Variants in ODR4 observed in about 807,000 individuals in gnomAD.
ODR4 encodes the protein protein odr-4 homolog.
Under a neutral mutation model 60.2 loss-of-function variants are expected in ODR4, and 47 were observed. That is an observed-to-expected ratio of 0.78 (90% confidence interval 0.62 to 1.00). The LOEUF (loss-of-function observed/expected upper bound fraction) is 1.00, where lower values mean the gene tolerates loss of function less well. Among genes scored for constraint, ODR4 ranks in the 50% least tolerant of loss-of-function variants. The probability of loss-of-function intolerance (pLI) is 0.00; values close to 1 mark genes in which losing one functional copy is unlikely to be tolerated. For synonymous variants in ODR4, 178 were observed against 175.5 expected, an observed-to-expected ratio of 1.01 and a Z score of -0.11; for missense variants, 488 against 530.8, an observed-to-expected ratio of 0.92 and a Z score of 0.79.
At chr1:186,417,366 T>C (rs1289345982) in intron 12 of ODR4, 178 bp from the exon 13 acceptor site, 2 of 563,124 alleles carry the variant, frequency 3.6e-6, no homozygotes, top group African/African-American at 3.9e-5. Flanking sequence ...ATTTGACGTA[T>C]ATTCTATTAA....
At chr1:186,399,582 A>T (rs1055602958) in intron 11 of ODR4, among the ~76,000 whole-genome samples, 36 of 152,182 alleles carry the variant, frequency 2.4e-4, no homozygotes, top group Non-Finnish European at 4.9e-4. Flanking sequence ...GAGGATTTTT[A>T]AAAAAATTAA....
rs1439873116 is a variant in ODR4, at chr1:186,402,186, TATTC to T, written c.1000+3143_1000+3146del. On this transcript the variant is annotated intron_variant, in intron 11 of 13. Transcript: ENST00000287859. ...CAGACAAATAACTTTATAGGCATCC[TATTC>T]TTTCTTTCTTTCTTTCTTTCTTTCT... 6.2e-4 allele frequency among the ~76,000 whole-genome samples: 57 copies of T among 91,568 alleles called. 1 individual carries two copies. The highest frequency in any genetic ancestry group is 2.8e-3 in the South Asian group (7 of 2,492). The allele number at this position is 91,568 out of a possible 152,430, so 60.1% of individuals were successfully genotyped here.
chr1:186,384,069 A>C (rs1411650482), intron 3 of ODR4, among the ~76,000 whole-genome samples: 1 of 152,170 alleles, frequency 6.6e-6, no homozygotes, highest in Non-Finnish European at 1.5e-5. Flanking sequence ...TCCAGTATTT[A>C]ATTATTATTG....
chr1:186,430,036 G>C, the ODR4 span, among the ~76,000 whole-genome samples: 2 of 152,002 alleles, frequency 1.3e-5, no homozygotes, highest in Non-Finnish European at 2.9e-5. Flanking sequence ...AAGTGTTTCA[G>C]TTTCATTATT....
At chr1:186,409,025 G>T (rs1402459014) in intron 12 of ODR4, among the ~76,000 whole-genome samples, 7 of 151,602 alleles carry the variant, frequency 4.6e-5, no homozygotes, top group Non-Finnish European at 1.0e-4. Flanking sequence ...AGTAACAGAG[G>T]TTTATATTCT....
intron 12 of ODR4, among the ~76,000 whole-genome samples, chr1:186,408,687 T>C (rs893853939): frequency 1.3e-5 from 2 of 150,560 alleles, no homozygotes; most frequent in Admixed American, 6.6e-5. Context: ...TGTTTTCTTA[T>C]AAAAATATAA....
chr1:186,399,472 G>A (rs1660837804), intron 11 of ODR4, among the ~76,000 whole-genome samples: 1 of 152,172 alleles, frequency 6.6e-6, no homozygotes, highest in African/African-American at 2.4e-5. Flanking sequence ...GCTTCCCGAA[G>A]TGCTGGGATT....
At chr1:186,423,442 G>GC (rs1661830842), downstream of ODR4, among the ~76,000 whole-genome samples, 3 of 67,538 alleles carry the variant, frequency 4.4e-5, no homozygotes, top group Non-Finnish European at 9.0e-5. Context: ...CACTACTTGT[G>GC]CTTTTTTTTT....
intron 3 of ODR4, 95 bp from the exon 4 acceptor site, chr1:186,385,893 G>GT: frequency 1.4e-6 from 1 of 705,926 alleles, no homozygotes; most frequent in Non-Finnish European, 2.4e-6. Context: ...GTTTTAAGGT[G>GT]AAAAGCTAAG....
chr1:186,422,589 G>A (rs141257333), downstream of ODR4, among the ~76,000 whole-genome samples: 3 of 152,204 alleles, frequency 2.0e-5, no homozygotes, highest in East Asian at 5.8e-4. Flanking sequence ...ATAATCAGAA[G>A]CAAGTAGAGG....
the ODR4 span, among the ~76,000 whole-genome samples, chr1:186,431,214 A>G: frequency 6.6e-6 from 1 of 152,172 alleles, no homozygotes; most frequent in African/African-American, 2.4e-5. Flanking sequence ...AGATTTCTAT[A>G]AAATTGTCAA....
chr1:186,389,170 A>C lies in ODR4; in HGVS notation c.438-418A>C, dbSNP rs189205773. Among the ~76,000 whole-genome samples, 318 of 152,250 alleles carry C rather than the reference A, an allele frequency of 2.1e-3. 1 individual carries two copies. The highest frequency in any genetic ancestry group is 6.7e-3 in the African/African-American group (279 of 41,532). ...CTTTTTTTTTTTTTAACAACAACAA[A>C]AAAAATCTTTAGTATTTAACTGCAA... On this transcript the variant is annotated intron_variant, in intron 5 of 13. Transcript: ENST00000287859.
downstream of ODR4, among the ~76,000 whole-genome samples, chr1:186,423,183 C>T (rs1330337852): frequency 6.6e-6 from 1 of 152,012 alleles, no homozygotes; most frequent in African/African-American, 2.4e-5. Context: ...GGGTAAAATT[C>T]TAACATTTTA....
intron 9 of ODR4, among the ~76,000 whole-genome samples, chr1:186,397,615 A>G (rs1411127048): frequency 6.6e-6 from 1 of 152,184 alleles, no homozygotes; most frequent in Non-Finnish European, 1.5e-5. Context: ...TTTTCCTTTG[A>G]ACATCACATT....
chr1:186,389,126 C>T (rs1407881050), intron 5 of ODR4, among the ~76,000 whole-genome samples: 2 of 151,528 alleles, frequency 1.3e-5, no homozygotes, highest in Non-Finnish European at 2.9e-5. Context: ...TAAAAGTGAC[C>T]ATTCCTGCAG....
downstream of ODR4, among the ~76,000 whole-genome samples, chr1:186,426,217 C>G (rs1179974576): frequency 2.0e-5 from 3 of 152,190 alleles, no homozygotes; most frequent in Non-Finnish European, 4.4e-5. Context: ...TTTCTAGATA[C>G]CAGTTTCTAT....
the ODR4 span, among the ~76,000 whole-genome samples, chr1:186,431,511 C>T: frequency 1.3e-5 from 2 of 151,896 alleles, no homozygotes; most frequent in East Asian, 1.9e-4. Context: ...TAATGATGGC[C>T]ACAAAACTTA....
chr1:186,403,715 TC>T (rs940772598), intron 11 of ODR4, among the ~76,000 whole-genome samples: 8 of 152,168 alleles, frequency 5.3e-5, no homozygotes, highest in African/African-American at 1.9e-4. Context: ...GTTGTGATCT[TC>T]CTCTTTGATT....
chr1:186,406,347 A>G (rs1264710285), intron 12 of ODR4, 79 bp downstream of exon 12: 3 of 1,087,182 alleles, frequency 2.8e-6, no homozygotes, highest in South Asian at 4.2e-5. Context: ...TTTAAATATC[A>G]TGTCTTTAGA....
Sources: gnomAD v4.1 joint callset for allele counts (sites outside exome capture counted in the v4.1 genomes callset) on GRCh38, gnomAD v4.1.1 for gene constraint, MANE v1.5 for transcripts, NCBI Gene and HGNC (gene_info 2026-07-23, HGNC 2026-07-21) for gene names.